The following DENND4C variants were observed in gnomAD, a reference collection of about 807,000 sequenced individuals.
DENND4C encodes DENN domain-containing protein 4C.
DENND4C carries 108 observed loss-of-function variants against 203.0 expected under a neutral mutation model. That is an observed-to-expected ratio of 0.53 (90% CI 0.46 to 0.62). The LOEUF (loss-of-function observed/expected upper bound fraction) is 0.62. Ranked by LOEUF, DENND4C falls within the 20% of genes least tolerant of loss-of-function variation. DENND4C has a pLI of 0.00. For missense variants in DENND4C, 2,481 were observed against 2,301.2 expected (o/e 1.08, Z -1.60); for synonymous variants, 871 against 792.4 (o/e 1.10, Z -1.67).
intron 1 of DENND4C, among the ~76,000 whole-genome samples, chr9:19,231,927 G>A (rs76212921): frequency 6.6e-6 from 1 of 152,118 alleles, no homozygotes; most frequent in Non-Finnish European, 1.5e-5. Context: ...GAGAACGTTA[G>A]TGCTAAGGCG....
chr9:19,324,477 A>T lies in DENND4C; in HGVS notation c.1923A>T (p.Gly641=), dbSNP rs539339101. The T allele has an allele frequency of 6.2e-7, 1 of 1,607,564 alleles. No homozygotes were observed. Among genetic ancestry groups the T allele is most frequent in the Non-Finnish European group, 8.5e-7 (1 of 1,178,654 alleles). The change falls in exon 13 of 33, where the codon GGA becomes GGT. Residue 641 remains glycine, a synonymous_variant. Transcript: ENST00000434457. ...ECSFVSDKDT[G]LAFFDDCIEK... is the part of the protein sequence containing the mutation. ...GTTTTGTAAGTGATAAAGATACTGG[A>T]TTAGCATTTTTTGATGACTGCATAG...
intron 30 of DENND4C, among the ~76,000 whole-genome samples, chr9:19,364,578 C>T (rs1396962064): frequency 1.3e-5 from 2 of 152,206 alleles, no homozygotes; most frequent in Non-Finnish European, 2.9e-5. Context: ...CCAGCCCCAG[C>T]TCCAGAGCAG....
intron 1 of DENND4C, among the ~76,000 whole-genome samples, chr9:19,231,067 C>G (rs1261988388): frequency 1.3e-5 from 2 of 152,194 alleles, no homozygotes; most frequent in African/African-American, 4.8e-5. Flanking sequence ...GGGATGCAGT[C>G]GGGGAAAGGC....
In DENND4C at chr9:19,331,988, C is replaced by G. The variant is rs908032020; in HGVS notation, c.2264C>G (p.Thr755Arg). 13 of 1,613,056 alleles carry G rather than the reference C, an allele frequency of 8.1e-6. No homozygotes were observed. In the Admixed American group the frequency reaches 1.2e-4, roughly 14 times the overall value. ...MAKRTKQEIKTAHKLAKRCYT... is the reference protein window; with the variant it reads ...MAKRTKQEIKRAHKLAKRCYT... The stretch of plus-strand genomic sequence containing the variant: ...TTATTCTCTTTCTAGGAAATAAAAA[C>G]AGCTCATAAATTGGCGAAGAGATGT... Residue 755 changes from threonine to arginine, a missense_variant, in exon 17 of 33, where the codon ACA becomes AGA. This residue lies in a region of DENND4C where 2,289 missense variants were observed against 2,113.3 expected (regional missense o/e 1.08). Transcript: ENST00000434457.
chr9:19,336,935 T>C, intron 20 of DENND4C, 103 bp downstream of exon 20: 2 of 1,105,372 alleles, frequency 1.8e-6, no homozygotes, highest in Non-Finnish European at 2.6e-6. Context: ...ATATGACTAC[T>C]TTAAAAGTAC....
chr9:19,306,852 C>G (rs536134843), intron 10 of DENND4C, among the ~76,000 whole-genome samples: 20 of 150,306 alleles, frequency 1.3e-4, no homozygotes, highest in African/African-American at 1.8e-4. Context: ...GCAATCCTGA[C>G]TCTCTGCAGT....
intron 23 of DENND4C, among the ~76,000 whole-genome samples, chr9:19,350,012 T>A (rs1023824415): frequency 4.6e-5 from 7 of 152,212 alleles, no homozygotes; most frequent in Admixed American, 2.6e-4. Context: ...TTTTTTAAAA[T>A]CATGTAACAT....
chr9:19,320,450 C>T (rs190507363), intron 12 of DENND4C, among the ~76,000 whole-genome samples: 46 of 152,280 alleles, frequency 3.0e-4, no homozygotes, highest in African/African-American at 9.1e-4. Context: ...CTGCCTGCCT[C>T]GGCCTTCCAA....
intron 1 of DENND4C, among the ~76,000 whole-genome samples, chr9:19,247,976 A>G (rs1318583905): frequency 1.3e-5 from 2 of 152,074 alleles, no homozygotes; most frequent in African/African-American, 4.8e-5. Flanking sequence ...GCCCTAATAT[A>G]AGCCATTTTT....
At chr9:19,287,081 G>T (rs1436225538) in intron 3 of DENND4C, 60 bp downstream of exon 3, 3 of 1,222,558 alleles carry the variant, frequency 2.5e-6, no homozygotes, top group East Asian at 6.3e-5. Context: ...ATACGTTTTG[G>T]ATTCCTGTTT....
intron 1 of DENND4C, among the ~76,000 whole-genome samples, chr9:19,233,306 G>T (rs60261163): frequency 5.3e-4 from 81 of 152,208 alleles, no homozygotes; most frequent in Middle Eastern, 3.4e-3. Flanking sequence ...TTTGACAGAC[G>T]TAGCAAAGGG....
At chr9:19,272,445 A>G (rs959989837) in intron 1 of DENND4C, among the ~76,000 whole-genome samples, 2 of 151,862 alleles carry the variant, frequency 1.3e-5, no homozygotes, top group Non-Finnish European at 2.9e-5. Flanking sequence ...AAAACAAAAA[A>G]CAAAAAAATG....
intron 5 of DENND4C, among the ~76,000 whole-genome samples, chr9:19,294,600 G>A (rs1243419673): frequency 6.6e-6 from 1 of 152,076 alleles, no homozygotes; most frequent in African/African-American, 2.4e-5. Flanking sequence ...TTTGTAGCAG[G>A]GTTATTCACG....
intron 9 of DENND4C, among the ~76,000 whole-genome samples, chr9:19,304,324 A>C (rs1342576670): frequency 1.3e-5 from 2 of 151,126 alleles, no homozygotes. Flanking sequence ...AGCTGGGATT[A>C]CAGACATGTG....
chr9:19,300,729 A>G (rs565251920), intron 9 of DENND4C, among the ~76,000 whole-genome samples: 11 of 152,368 alleles, frequency 7.2e-5, no homozygotes, highest in Non-Finnish European at 1.6e-4. Flanking sequence ...ATAATTGTGA[A>G]TCAGTAATAT....
chr9:19,316,349 C>T, intron 10 of DENND4C, 68 bp from the exon 11 acceptor site: 1 of 1,276,992 alleles, frequency 7.8e-7, no homozygotes. Flanking sequence ...TAGGTTGATG[C>T]AAGAATTTTG....
At chr9:19,278,348 A>AAGC (rs2130945183) in intron 2 of DENND4C, among the ~76,000 whole-genome samples, 1 of 152,220 alleles carries the variant, frequency 6.6e-6, no homozygotes, top group Admixed American at 6.5e-5. Context: ...CATATTGGCA[A>AAGC]AGCTGGTCTT....
At chr9:19,354,032 TCCTCATTCCCAC>T (rs1824790142) in intron 26 of DENND4C, among the ~76,000 whole-genome samples, 1 of 152,174 alleles carries the variant, frequency 6.6e-6, no homozygotes, top group South Asian at 2.1e-4. Context: ...TATCCTCCTT[TCCTCATTCCCAC>T]CCTCATTCCC....
rs578036651 is a variant in DENND4C, at chr9:19,241,639, C to T, written c.-18+10806C>T. ...TCTTCTACCTTCACGTCTTGTCCTA[C>T]TGGAAGGTCTTCAGGGGCAATACTC... is the stretch of plus-strand genomic sequence containing the variant. On this transcript the variant is annotated intron_variant, in intron 1 of 32. Coordinates refer to ENST00000434457, the MANE Select transcript of DENND4C (RefSeq NM_001330640.2). Among the ~76,000 whole-genome samples, 14 of 152,006 alleles carry T rather than the reference C, an allele frequency of 9.2e-5. No individual in the cohort carries two copies. The East Asian group carries it at 9.6e-4, about 10-fold the overall frequency.
Sources: allele counts gnomAD v4.1 joint callset (sites outside exome capture counted in the v4.1 genomes callset), GRCh38; gene constraint gnomAD v4.1.1; regional missense constraint gnomAD v4.1.1; transcripts MANE v1.5; gene names NCBI Gene and HGNC (gene_info 2026-07-23, HGNC 2026-07-21).